The following GIN1 variants were observed in gnomAD, a reference collection of about 807,000 sequenced individuals.
The protein encoded by GIN1 is gypsy retrotransposon integrase-like protein 1.
GIN1 carries 41 observed loss-of-function variants against 51.4 expected under a neutral mutation model. The observed-to-expected ratio is 0.80, with a 90% CI of 0.62 to 1.04. GIN1 has a LOEUF of 1.04. Ranked by LOEUF, GIN1 falls within the 50% of genes least tolerant of loss-of-function variation. GIN1 has a pLI of 0.00. For synonymous variants in GIN1, 222 were observed against 206.5 expected (o/e 1.07, Z -0.64); for missense variants, 610 against 612.4 (o/e 1.00, Z 0.04).
intron 4 of GIN1, among the ~76,000 whole-genome samples, chr5:103,101,483 T>C (rs932714906): frequency 3.9e-5 from 6 of 152,246 alleles, no homozygotes. Flanking sequence ...CTATTGTAGT[T>C]AATATTTGTA....
intron 1 of GIN1, among the ~76,000 whole-genome samples, chr5:103,119,817 C>T (rs1374659860): frequency 6.6e-6 from 1 of 152,160 alleles, no homozygotes; most frequent in Non-Finnish European, 1.5e-5. Flanking sequence ...TTTGGTAAAA[C>T]TCAATTACAC....
intron 4 of GIN1, among the ~76,000 whole-genome samples, chr5:103,098,120 AT>A (rs1554195378): frequency 6.6e-6 from 1 of 152,160 alleles, no homozygotes; most frequent in African/African-American, 2.4e-5. Flanking sequence ...TGACCTTGTG[AT>A]CCACCTGCCT....
chr5:103,116,084 T>C (rs1364761509), intron 1 of GIN1, among the ~76,000 whole-genome samples: 2 of 152,144 alleles, frequency 1.3e-5, no homozygotes, highest in East Asian at 1.9e-4. Flanking sequence ...ATAGATTCAA[T>C]GCAGTCCCAA....
Position 103,088,036 on chromosome 5 carries a change from C to A in GIN1, c.1431G>T (p.Leu477=). ...ATAGTTCACGATCCTTGCTTGATGT[C>A]AGTAATTCATTATCGACTATACCAA... The part of the protein sequence containing the change: ...ATIGIVDNEL[L]TSSKDRELLE... Residue 477 remains leucine (L), a synonymous_variant, in exon 8 of 8, where the codon CTG becomes CTT. Transcript: ENST00000399004. The A allele has an allele frequency of 6.2e-7, 1 of 1,610,414 alleles. No homozygotes were observed. The highest frequency in any genetic ancestry group is 8.5e-7 in the Non-Finnish European group (1 of 1,176,866).
Position 103,087,074 on chromosome 5 carries a change from G to A in GIN1, c.*824C>T, listed in dbSNP as rs1446530394. 1.3e-5 allele frequency: 2 copies of A among 152,272 alleles called. No homozygotes were observed. The highest frequency in any genetic ancestry group is 2.9e-5 in the Non-Finnish European group (2 of 68,098). The allele number at this position is 152,272 out of a possible 1,614,324, so 9.4% of individuals were successfully genotyped here. On this transcript the variant is annotated 3_prime_UTR_variant, in exon 8 of 8. Coordinates refer to ENST00000399004, the MANE Select transcript of GIN1 (RefSeq NM_017676.2). ...TGCAGCCTCGACCTCCTGGGGTCAA[G>A]CAATGCTCCTACTTCAGCCTCCTGA...
chr5:103,105,780 A>T (rs1787707229), intron 3 of GIN1, among the ~76,000 whole-genome samples: 1 of 152,146 alleles, frequency 6.6e-6, no homozygotes, highest in East Asian at 1.9e-4. Flanking sequence ...TTTGATCAAA[A>T]TTTTCACTTT....
Position 103,087,884 on chromosome 5 carries a change from A to G in GIN1, c.*14T>C, listed in dbSNP as rs781968475. The G allele has an allele frequency of 2.6e-6, 3 of 1,140,296 alleles. No individual in the cohort carries two copies. Among genetic ancestry groups the G allele is most frequent in the Non-Finnish European group, 3.7e-6 (3 of 807,920 alleles). The allele number at this position is 1,140,296 out of a possible 1,614,324, so 70.6% of individuals were successfully genotyped here. ...ATATTCTAAACAAACAATTTAAATAAATTTTGGTATTTACTAACTTAAGTA... is the reference window on the plus strand; with the variant it reads ...ATATTCTAAACAAACAATTTAAATAGATTTTGGTATTTACTAACTTAAGTA... On this transcript the variant is annotated 3_prime_UTR_variant, in exon 8 of 8. Transcript: ENST00000399004.
intron 6 of GIN1, 142 bp downstream of exon 6, chr5:103,097,172 A>T (rs572875187): frequency 1.6e-6 from 1 of 626,842 alleles, no homozygotes; most frequent in East Asian, 2.9e-5. Context: ...TAATCAAGAC[A>T]AGAAAAATCT....
intron 2 of GIN1, among the ~76,000 whole-genome samples, chr5:103,108,209 T>C (rs1293564063): frequency 6.6e-6 from 1 of 152,072 alleles, no homozygotes; most frequent in African/African-American, 2.4e-5. Flanking sequence ...CAGTTAACTT[T>C]GTCAACATTT....
chr5:103,090,343 C>T (rs1787202796), intron 7 of GIN1, among the ~76,000 whole-genome samples: 1 of 152,158 alleles, frequency 6.6e-6, no homozygotes. Flanking sequence ...CCAATAGCAG[C>T]AAGAGGGAAG....
At chr5:103,117,762 G>A (rs1162876657) in intron 1 of GIN1, among the ~76,000 whole-genome samples, 1 of 152,092 alleles carries the variant, frequency 6.6e-6, no homozygotes, top group Admixed American at 6.5e-5. Context: ...ACTTCATGAA[G>A]TAGGTATTAG....
chr5:103,094,830 G>A (rs1162629932), intron 7 of GIN1, among the ~76,000 whole-genome samples: 1 of 152,104 alleles, frequency 6.6e-6, no homozygotes, highest in East Asian at 1.9e-4. Flanking sequence ...ACTGAGAAGA[G>A]GTACAAACAA....
chr5:103,092,253 C>T (rs1554194627), intron 7 of GIN1, among the ~76,000 whole-genome samples: 2 of 152,030 alleles, frequency 1.3e-5, no homozygotes, highest in African/African-American at 4.8e-5. Context: ...GGCAATCCTA[C>T]CTCGGCCTCT....
chr5:103,116,249 T>C (rs1788027464), intron 1 of GIN1, among the ~76,000 whole-genome samples: 1 of 152,118 alleles, frequency 6.6e-6, no homozygotes, highest in Admixed American at 6.5e-5. Flanking sequence ...TATACTACTA[T>C]GGTAATCAAG....
chr5:103,117,039 A>T (rs1562338457), intron 1 of GIN1, among the ~76,000 whole-genome samples: 1 of 152,086 alleles, frequency 6.6e-6, no homozygotes, highest in Non-Finnish European at 1.5e-5. Flanking sequence ...AGCAATACCA[A>T]TCTTAGATAC....
chr5:103,098,744 C>T (rs1787480844), intron 4 of GIN1, among the ~76,000 whole-genome samples: 1 of 152,182 alleles, frequency 6.6e-6, no homozygotes, highest in South Asian at 2.1e-4. Context: ...CAGGCATGAG[C>T]CACTGTACCC....
chr5:103,094,231 G>T (rs1181122637), intron 7 of GIN1, among the ~76,000 whole-genome samples: 1 of 151,916 alleles, frequency 6.6e-6, no homozygotes, highest in Admixed American at 6.6e-5. Context: ...TAATATTGAG[G>T]AAAAAGATGG....
At chr5:103,092,612 C>T (rs1169211454) in intron 7 of GIN1, among the ~76,000 whole-genome samples, 1 of 152,016 alleles carries the variant, frequency 6.6e-6, no homozygotes, top group African/African-American at 2.4e-5. Context: ...ATTATAATAA[C>T]TAATACTGTC....
intron 4 of GIN1, among the ~76,000 whole-genome samples, chr5:103,099,056 T>C (rs1042462075): frequency 2.6e-5 from 4 of 152,116 alleles, no homozygotes; most frequent in African/African-American, 4.8e-5. Flanking sequence ...ATTTGTCTTT[T>C]TAAAAAAGAA....
Sources: gnomAD v4.1 joint callset for allele counts (sites outside exome capture counted in the v4.1 genomes callset) on GRCh38, gnomAD v4.1.1 for gene constraint, MANE v1.5 for transcripts, NCBI Gene and HGNC (gene_info 2026-07-23, HGNC 2026-07-21) for gene names.